IQCH: variants seen among roughly 807,000 people sequenced by gnomAD.
IQCH encodes the protein IQ domain-containing protein H.
IQCH carries 98 observed loss-of-function variants against 117.0 expected under a neutral mutation model. The observed-to-expected ratio is 0.84, with a 90% CI of 0.71 to 0.99. IQCH has a LOEUF of 0.99. IQCH is among the 50% of genes least tolerant of loss of function. IQCH has a pLI of 0.00. For synonymous variants in IQCH, 412 were observed against 448.2 expected (o/e 0.92, Z 1.02); for missense variants, 1,102 against 1,243.8 (o/e 0.89, Z 1.72).
Position 67,275,788 on chromosome 15 carries a change from G to C in IQCH, c.270-3607G>C, listed in dbSNP as rs1966097210. On this transcript the variant is annotated intron_variant, in intron 3 of 20. Transcript: ENST00000335894. The stretch of plus-strand genomic sequence containing the variant: ...CCAGCTACTCTGGAGGCTGAGGCAG[G>C]AGAATCACCTAAGCCTAGGATATTG... 2.6e-5 allele frequency among the ~76,000 whole-genome samples: 4 copies of C among 152,266 alleles called. No homozygotes were observed. The South Asian group carries it at 8.3e-4, about 32-fold the overall frequency.
chr15:67,442,069 G>A (rs1430131176), intron 16 of IQCH, among the ~76,000 whole-genome samples: 5 of 152,056 alleles, frequency 3.3e-5, no homozygotes, highest in East Asian at 1.9e-4. Context: ...AATGGGCTAC[G>A]GACATGAATA....
At chr15:67,336,301 C>T (rs183347649) in intron 4 of IQCH, among the ~76,000 whole-genome samples, 38 of 152,122 alleles carry the variant, frequency 2.5e-4, no homozygotes, top group Non-Finnish European at 5.1e-4. Context: ...TTCATAAACT[C>T]CTACGATAAA....
At chr15:67,299,190 C>G (rs1407100019) in intron 4 of IQCH, among the ~76,000 whole-genome samples, 1 of 151,716 alleles carries the variant, frequency 6.6e-6, no homozygotes, top group Non-Finnish European at 1.5e-5. Context: ...TTCACATGTT[C>G]TCACTTATTT....
chr15:67,275,416 T>C (rs1304341740), intron 3 of IQCH, among the ~76,000 whole-genome samples: 1 of 152,084 alleles, frequency 6.6e-6, no homozygotes, highest in Non-Finnish European at 1.5e-5. Context: ...CTCATCCTCA[T>C]CTTTGGGTTC....
chr15:67,356,734 G>A lies in IQCH; in HGVS notation c.638-611G>A, dbSNP rs1430212301. Among the ~76,000 whole-genome samples the A allele has an allele frequency of 6.6e-6, 1 of 152,180 alleles. No individual in the cohort carries two copies. Among genetic ancestry groups the A allele is most frequent in the East Asian group, 1.9e-4 (1 of 5,198 alleles). ...TTGGGCTTTTGGTAAAGGGCAGTCA[G>A]GTTTGCTGCTAGGCAGTAGGAGAGA... is the stretch of plus-strand genomic sequence containing the variant. On this transcript the variant is annotated intron_variant, in intron 6 of 20. Coordinates refer to ENST00000335894, the MANE Select transcript of IQCH (RefSeq NM_001031715.3). The surrounding 1 kb of genome is among the most constrained non-coding windows in gnomAD (Gnocchi z 5.3).
chr15:67,382,493 G>A (rs1379623993), intron 10 of IQCH, among the ~76,000 whole-genome samples: 2 of 152,196 alleles, frequency 1.3e-5, no homozygotes, highest in South Asian at 2.1e-4. Flanking sequence ...GAACTTGGAC[G>A]TTTTTGAAGG....
chr15:67,472,596 C>T lies in IQCH; in HGVS notation c.2677-3100C>T, dbSNP rs1487453780. Among the ~76,000 whole-genome samples, 1 of 152,172 alleles carries T rather than the reference C, an allele frequency of 6.6e-6. No homozygotes were observed. Among genetic ancestry groups the T allele is most frequent in the African/African-American group, 2.4e-5 (1 of 41,444 alleles). ...ATAGTAGCTACCATTTATCAGGTTC[C>T]AGGCACTGCAGTAGGTGCTTATTTA... is the stretch of plus-strand genomic sequence containing the variant. On this transcript the variant is annotated intron_variant, in intron 17 of 20. Coordinates refer to ENST00000335894, the MANE Select transcript of IQCH (RefSeq NM_001031715.3). The surrounding 1 kb of genome is among the most constrained non-coding windows in gnomAD (Gnocchi z 4.3).
At chr15:67,265,588 T>C (rs1187168058) in intron 3 of IQCH, among the ~76,000 whole-genome samples, 2 of 152,046 alleles carry the variant, frequency 1.3e-5, no homozygotes, top group East Asian at 3.9e-4. Flanking sequence ...AAATCCAAAC[T>C]GGGTCTTCAA....
At chr15:67,334,385 C>G (rs1385552612) in intron 4 of IQCH, among the ~76,000 whole-genome samples, 1 of 152,118 alleles carries the variant, frequency 6.6e-6, no homozygotes, top group African/African-American at 2.4e-5. Context: ...CTTCTCATAC[C>G]CATACCCTAT....
intron 4 of IQCH, among the ~76,000 whole-genome samples, chr15:67,314,569 A>G (rs898931864): frequency 6.6e-6 from 1 of 152,140 alleles, no homozygotes; most frequent in African/African-American, 2.4e-5. Context: ...TAAGCAGTAA[A>G]AACCCTTAGA....
At chr15:67,446,589 G>C (rs2082396906) in intron 16 of IQCH, among the ~76,000 whole-genome samples, 1 of 152,164 alleles carries the variant, frequency 6.6e-6, no homozygotes, top group African/African-American at 2.4e-5. Flanking sequence ...TAGCAGCAGA[G>C]CCTGGACAGG....
At position 67,424,584 on chromosome 15, in the gene IQCH, A is replaced by G. The variant is rs1427324574; in HGVS notation, c.2505+3007A>G. Reference sequence around the variant, plus strand: ...GGCACAAAGTAGGTATTCAGTAAATATTTGTTGACTGAATGAATGAACAAT... The same window carrying G: ...GGCACAAAGTAGGTATTCAGTAAATGTTTGTTGACTGAATGAATGAACAAT... On this transcript the variant is annotated intron_variant, in intron 16 of 20. Coordinates refer to ENST00000335894, the MANE Select transcript of IQCH (RefSeq NM_001031715.3). The surrounding 1 kb of genome is among the most constrained non-coding windows in gnomAD (Gnocchi z 4.9). 2.0e-5 allele frequency among the ~76,000 whole-genome samples: 3 copies of G among 152,238 alleles called. No homozygotes were observed. The highest frequency in any genetic ancestry group is 7.2e-5 in the African/African-American group (3 of 41,470).
chr15:67,352,686 A>G (rs927957327), intron 6 of IQCH, among the ~76,000 whole-genome samples: 4 of 151,902 alleles, frequency 2.6e-5, no homozygotes, highest in African/African-American at 9.7e-5. Flanking sequence ...GATGAAAACA[A>G]TTTGTCTTTT....
chr15:67,263,146 G>A lies in IQCH; in HGVS notation c.199G>A (p.Val67Ile), dbSNP rs759146259. ...LRIHIEKYLN[V>I]VNQNVLTTSV... ...GATTCACATTGAGAAGTATTTAAAT[G>A]TTGTAAACCAGAATGTATTAACGAC... Residue 67 changes from valine to isoleucine, a missense_variant, in exon 3 of 21, where the codon GTT (valine) becomes ATT (isoleucine). Transcript: ENST00000335894. 1.3e-6 allele frequency: 2 copies of A among 1,559,284 alleles called. No individual in the cohort carries two copies. Among genetic ancestry groups the A allele is most frequent in the Non-Finnish European group, 1.8e-6 (2 of 1,130,458 alleles).
At chr15:67,347,259 A>G (rs1969439609) in intron 6 of IQCH, among the ~76,000 whole-genome samples, 1 of 152,040 alleles carries the variant, frequency 6.6e-6, no homozygotes, top group Non-Finnish European at 1.5e-5. Context: ...GAACATTTTT[A>G]TAAAATTGGT....
At chr15:67,308,436 T>A (rs1258539189) in intron 4 of IQCH, among the ~76,000 whole-genome samples, 2 of 152,098 alleles carry the variant, frequency 1.3e-5, no homozygotes, top group Non-Finnish European at 2.9e-5. Context: ...CCAGGAGCAT[T>A]TGGTAAATTA....
intron 16 of IQCH, among the ~76,000 whole-genome samples, chr15:67,464,477 A>C (rs898706386): frequency 3.3e-5 from 5 of 152,192 alleles, no homozygotes; most frequent in Admixed American, 1.3e-4. Flanking sequence ...ATTGCATCAT[A>C]ATATTCTTCT....
chr15:67,281,846 C>T (rs1490001865), intron 4 of IQCH: 1 of 444,202 alleles, frequency 2.3e-6, no homozygotes, highest in Non-Finnish European at 4.5e-6. Context: ...ATAAACAAAA[C>T]CACCACAGTG....
rs2083831349 is a variant in IQCH, at chr15:67,496,965, C to T, written c.2970+2599C>T. Among the ~76,000 whole-genome samples the T allele has an allele frequency of 6.8e-6, 1 of 146,816 alleles. No homozygotes were observed. Among genetic ancestry groups the T allele is most frequent in the Non-Finnish European group, 1.5e-5 (1 of 66,986 alleles). On this transcript the variant is annotated intron_variant, in intron 20 of 20. Coordinates refer to ENST00000335894, the MANE Select transcript of IQCH (RefSeq NM_001031715.3). This position sits in a 1 kb window ranked among gnomAD's most constrained non-coding sequence, Gnocchi z 4.4. ...CCCGGGAAGCGGAGCTTGCAGTGAG[C>T]CGAGATTGCGCCACTGCAGTCCGCA... is the stretch of plus-strand genomic sequence containing the variant.
Sources: allele counts gnomAD v4.1 joint callset (sites outside exome capture counted in the v4.1 genomes callset), GRCh38; gene constraint gnomAD v4.1.1; non-coding constraint Gnocchi (gnomAD v3.1); transcripts MANE v1.5; gene names NCBI Gene and HGNC (gene_info 2026-07-23, HGNC 2026-07-21).